DHX37: variants seen among roughly 807,000 people sequenced by gnomAD.
DHX37 encodes the protein DEAH-box helicase 37.
A neutral mutation model predicts 134.3 loss-of-function variants in DHX37; 52 were observed. The observed-to-expected ratio is 0.39, with a 90% CI of 0.31 to 0.49. DHX37 has a LOEUF of 0.49. Ranked by LOEUF, DHX37 falls within the 20% of genes least tolerant of loss-of-function variation. The pLI is 0.93. For missense variants in DHX37, 1,344 were observed against 1,580.8 expected, an observed-to-expected ratio of 0.85 and a Z score of 2.54; for synonymous variants, 634 against 670.7, an observed-to-expected ratio of 0.95 and a Z score of 0.85.
Position 124,966,842 on chromosome 12 carries a change from A to G in DHX37, c.1541T>C (p.Met514Thr). Residue 514 changes from methionine (M) to threonine (T), a missense_variant, in exon 12 of 27, where the codon ATG becomes ACG. By Grantham distance (81) the Met-to-Thr change is moderately conservative. Transcript: ENST00000308736. ...DDDQKDSVEE[M>T]RKFKKSRARA... ...GGCCCTTGACTTCTTAAACTTCCGCATTTCCTCCACCGAGTCTTTCTGATC... is the reference window on the plus strand; with the variant it reads ...GGCCCTTGACTTCTTAAACTTCCGCGTTTCCTCCACCGAGTCTTTCTGATC... The G allele has an allele frequency of 2.5e-6, 4 of 1,614,092 alleles. No homozygotes were observed. The South Asian group carries it at 4.4e-5, about 18-fold the overall frequency.
At chr12:124,953,665 T>G in intron 20 of DHX37, 1 of 792,382 alleles carries the variant, frequency 1.3e-6, no homozygotes, top group Non-Finnish European at 1.9e-6. Flanking sequence ...TGGGGGAGGG[T>G]GCAGGCTGGC....
intron 16 of DHX37, among the ~76,000 whole-genome samples, chr12:124,957,410 T>A (rs1954120787): frequency 6.6e-6 from 1 of 152,226 alleles, no homozygotes; most frequent in Non-Finnish European, 1.5e-5. Flanking sequence ...GGTGCTTTTT[T>A]CGGTTTTTAA....
intron 18 of DHX37, 85 bp downstream of exon 18, chr12:124,956,606 A>T: frequency 1.4e-6 from 2 of 1,435,274 alleles, no homozygotes; most frequent in South Asian, 3.0e-5. Context: ...CTTCTACCTC[A>T]GCCTCCTGAG....
At chr12:124,978,291 T>TTTCTA (rs1954685135) in intron 4 of DHX37, among the ~76,000 whole-genome samples, 1 of 151,180 alleles carries the variant, frequency 6.6e-6, no homozygotes, top group South Asian at 2.1e-4. Flanking sequence ...TTTTGTTCTA[T>TTTCTA]TTCTATTCTA....
In DHX37 at chr12:124,950,428, G is replaced by A. The variant is rs761770055; in HGVS notation, c.3106C>T (p.Arg1036Trp). Residue 1036 changes from arginine (R) to tryptophan (W), a missense_variant, in exon 23 of 27, where the codon CGG becomes TGG. Arg to Trp is a moderately radical substitution (Grantham distance 101). This residue lies in a region of DHX37 where 558 missense variants were observed against 650.0 expected (regional missense o/e 0.86). Coordinates refer to ENST00000308736, the MANE Select transcript of DHX37 (RefSeq NM_032656.4). Reference protein sequence around the residue: ...CPERGRVLCHRASVFYRVGWP... With the variant: ...CPERGRVLCHWASVFYRVGWP... Reference sequence around the variant, plus strand: ...CCCAACTCACAGAACACGCTGGCCCGGTGACACAGCACCCGCCCCCGCTCG... The same window carrying A: ...CCCAACTCACAGAACACGCTGGCCCAGTGACACAGCACCCGCCCCCGCTCG... 15 of 1,598,206 alleles carry A rather than the reference G, an allele frequency of 9.4e-6. No individual in the cohort carries two copies. The highest frequency in any genetic ancestry group is 1.2e-5 in the Non-Finnish European group (14 of 1,172,160).
intron 15 of DHX37, among the ~76,000 whole-genome samples, chr12:124,963,108 C>A (rs908079890): frequency 1.3e-5 from 2 of 152,194 alleles, no homozygotes; most frequent in African/African-American, 4.8e-5. Context: ...AAACGTCCAC[C>A]AGCTGATGAA....
At chr12:124,961,261 CACAT>C (rs1283957532) in intron 15 of DHX37, among the ~76,000 whole-genome samples, 3 of 114,196 alleles carry the variant, frequency 2.6e-5, no homozygotes, top group African/African-American at 1.7e-4. Context: ...CGCACGCACA[CACAT>C]ACACGCGTGC....
In DHX37 at chr12:124,972,565, C is replaced by A. The variant is rs778673475; in HGVS notation, c.1015G>T (p.Val339Leu). The A allele has an allele frequency of 6.2e-7, 1 of 1,614,240 alleles. No homozygotes were observed. The highest frequency in any genetic ancestry group is 1.7e-5 in the Admixed American group (1 of 60,030). Residue 339 changes from valine (V) to leucine (L), a missense_variant, in exon 7 of 27, where the codon GTG (valine) becomes TTG (leucine). By Grantham distance (32) the Val-to-Leu change is conservative (BLOSUM62 1). This residue lies in a region of DHX37 where 30 missense variants were observed against 72.5 expected (regional missense o/e 0.41). Coordinates refer to ENST00000308736, the MANE Select transcript of DHX37 (RefSeq NM_032656.4). ...AACTTGATTCTGGTCTCCTCTGTCA[C>A]GTTTCCTTCATACCGGATCTGGTAG... ...VSYQIRYEGN[V>L]TEETRIKFMT...
intron 2 of DHX37, among the ~76,000 whole-genome samples, chr12:124,984,547 A>T (rs891540069): frequency 6.6e-6 from 1 of 152,164 alleles, no homozygotes; most frequent in Non-Finnish European, 1.5e-5. Flanking sequence ...AAATAATAAA[A>T]TAAAATAAAA....
chr12:124,952,476 C>T lies in DHX37; in HGVS notation c.2790G>A (p.Thr930=), dbSNP rs762816730. The change falls in exon 21 of 27, where the codon ACG becomes ACA. Residue 930 remains threonine, a synonymous_variant. Transcript: ENST00000308736. Reference sequence around the variant, plus strand: ...GGGCCAAGTGGTCCCCCAGGCCTGCCGTCACGATCTGTCGCAGGTAGGTCA... The same window carrying T: ...GGGCCAAGTGGTCCCCCAGGCCTGCTGTCACGATCTGTCGCAGGTAGGTCA... The part of the protein sequence containing the change: ...SQVTYLRQIV[T]AGLGDHLARR... The T allele has an allele frequency of 1.3e-5, 21 of 1,610,978 alleles. No homozygotes were observed. The highest frequency in any genetic ancestry group is 4.4e-5 in the South Asian group (4 of 90,950).
At chr12:124,986,036 A>AC (rs757188655) in intron 2 of DHX37, 60 bp downstream of exon 2, 53 of 1,588,002 alleles carry the variant, frequency 3.3e-5, no homozygotes, top group African/African-American at 1.1e-4. Context: ...GAGGAGAGAG[A>AC]CCCCCCATCT....
At chr12:124,953,518 C>G (rs1483984987) in intron 20 of DHX37, 3 of 263,956 alleles carry the variant, frequency 1.1e-5, no homozygotes, top group South Asian at 4.9e-5. Flanking sequence ...GAGGTAGAGT[C>G]CAGGGCAAGG....
chr12:124,954,364 ACC>A lies in DHX37; in HGVS notation c.2454-155_2454-154del. 5.2e-6 allele frequency: 4 copies of A among 772,010 alleles called. No individual in the cohort carries two copies. In the South Asian group the frequency reaches 2.4e-4, roughly 45 times the overall value. The allele number at this position is 772,010 out of a possible 1,614,324, so 47.8% of individuals were successfully genotyped here. ...GGTATTAAGGTCCAGCTCAAAATTCACCATTGGCAGCCACCGCTGCACTGTTG... is the reference window on the plus strand; with the variant it reads ...GGTATTAAGGTCCAGCTCAAAATTCAATTGGCAGCCACCGCTGCACTGTTG... On this transcript the variant is annotated intron_variant, in intron 18 of 26. Transcript: ENST00000308736.
intron 10 of DHX37, 52 bp downstream of exon 10, chr12:124,968,482 G>T: frequency 6.3e-7 from 1 of 1,599,118 alleles, no homozygotes; most frequent in South Asian, 1.1e-5. Flanking sequence ...CGTGCTTTCA[G>T]CGAGGGTTTA....
At chr12:124,961,839 T>C (rs1389736446) in intron 15 of DHX37, among the ~76,000 whole-genome samples, 3 of 152,036 alleles carry the variant, frequency 2.0e-5, no homozygotes, top group Non-Finnish European at 2.9e-5. Flanking sequence ...AATAAGTACA[T>C]GAAAAGAGGC....
chr12:124,954,745 G>A (rs1339663506), intron 18 of DHX37, among the ~76,000 whole-genome samples: 4 of 152,192 alleles, frequency 2.6e-5, no homozygotes, highest in Non-Finnish European at 4.4e-5. Flanking sequence ...TGCTTAAATA[G>A]CTGCCAAGGG....
rs756345926 is a variant in DHX37, at chr12:124,964,420, T to C, written c.2019A>G (p.Gly673=). 1.9e-6 allele frequency: 3 copies of C among 1,613,860 alleles called. No homozygotes were observed. The highest frequency in any genetic ancestry group is 2.7e-5 in the African/African-American group (2 of 74,926). The change falls in exon 15 of 27, where the codon GGA becomes GGG. Residue 673 remains glycine (G), a synonymous_variant. Transcript: ENST00000308736. ...ASADQRAGRA[G]RTEPGHCYRL... is the part of the protein sequence containing the mutation. ...TGTAGCAGTGGCCGGGCTCCGTCCG[T>C]CCTGCTCTGCCCGCTCGCTGGTCAG...
chr12:124,982,663 G>C (rs375167459), intron 2 of DHX37, 40 bp from the exon 3 acceptor site: 9 of 1,600,590 alleles, frequency 5.6e-6, no homozygotes, highest in South Asian at 2.2e-5. Flanking sequence ...TTGCCATCAC[G>C]ACCCTCTCTT....
At chr12:124,981,785 G>A (rs890025095) in intron 3 of DHX37, among the ~76,000 whole-genome samples, 17 of 151,850 alleles carry the variant, frequency 1.1e-4, no homozygotes, top group Admixed American at 9.2e-4. Context: ...TTATGGCAGC[G>A]CCAGGAAGCT....
Sources: gnomAD v4.1 joint callset for allele counts (sites outside exome capture counted in the v4.1 genomes callset) on GRCh38, gnomAD v4.1.1 for gene constraint, gnomAD v4.1.1 regional missense constraint, MANE v1.5 for transcripts, NCBI Gene and HGNC (gene_info 2026-07-23, HGNC 2026-07-21) for gene names.